P4HA1: variants seen among roughly 807,000 people sequenced by gnomAD.
P4HA1 encodes prolyl 4-hydroxylase subunit alpha 1.
In P4HA1, 24 loss-of-function variants were observed where a neutral mutation model predicts 72.8. The observed-to-expected ratio is 0.33, with a 90% CI of 0.24 to 0.46. P4HA1 has a LOEUF of 0.46. P4HA1 is among the 20% of genes least tolerant of loss of function. P4HA1 has a pLI of 1.00. For synonymous variants in P4HA1, 201 were observed against 218.8 expected, an observed-to-expected ratio of 0.92 and a Z score of 0.72; for missense variants, 446 against 640.6, an observed-to-expected ratio of 0.70 and a Z score of 3.28.
At chr10:73,083,698 G>A (rs75233197) in intron 1 of P4HA1, among the ~76,000 whole-genome samples, 7,751 of 152,192 alleles carry the variant, frequency 0.051, 611 homozygotes, top group African/African-American at 0.17. Context: ...ACAGCATGAT[G>A]CTTATCCCTA....
chr10:73,042,766 G>A (rs1044400341), intron 9 of P4HA1, among the ~76,000 whole-genome samples: 3 of 151,748 alleles, frequency 2.0e-5, no homozygotes, highest in African/African-American at 7.3e-5. Flanking sequence ...GGGGACATTT[G>A]ACAATGTCTG....
chr10:73,040,256 C>T (rs1370140887), intron 9 of P4HA1, among the ~76,000 whole-genome samples: 1 of 151,744 alleles, frequency 6.6e-6, no homozygotes, highest in Non-Finnish European at 1.5e-5. Context: ...AATAAAACTG[C>T]TTAAGAGCTA....
intron 10 of P4HA1, among the ~76,000 whole-genome samples, chr10:73,026,613 A>C (rs906324725): frequency 3.9e-5 from 6 of 152,236 alleles, no homozygotes; most frequent in South Asian, 2.1e-4. Flanking sequence ...AGTGGGATCT[A>C]ATTAAACTAA....
At chr10:73,012,145 A>G (rs991937858) in intron 12 of P4HA1, among the ~76,000 whole-genome samples, 1 of 152,214 alleles carries the variant, frequency 6.6e-6, no homozygotes, top group African/African-American at 2.4e-5. Context: ...GGAGAAACAG[A>G]TAGTGGGCCA....
chr10:73,089,709 C>CT (rs1841990361), intron 1 of P4HA1, among the ~76,000 whole-genome samples: 1 of 113,230 alleles, frequency 8.8e-6, no homozygotes, highest in Non-Finnish European at 1.7e-5. Flanking sequence ...ATTCCCCGTG[C>CT]TAAAAAAAAA....
intron 14 of P4HA1, among the ~76,000 whole-genome samples, chr10:73,008,878 G>A (rs956186894): frequency 1.3e-5 from 2 of 151,742 alleles, no homozygotes; most frequent in African/African-American, 2.4e-5. Context: ...TCTAAAGCAG[G>A]AACCTTAATT....
chr10:73,058,989 G>A (rs1464973688), intron 5 of P4HA1, among the ~76,000 whole-genome samples: 1 of 151,848 alleles, frequency 6.6e-6, no homozygotes, highest in East Asian at 1.9e-4. Context: ...TATTGGCCAG[G>A]CTGGTCTCAA....
At chr10:73,057,899 G>A (rs1414898188) in intron 5 of P4HA1, among the ~76,000 whole-genome samples, 2 of 151,966 alleles carry the variant, frequency 1.3e-5, no homozygotes, top group East Asian at 3.9e-4. Flanking sequence ...AGACCAGCCT[G>A]GGCAACATGG....
At chr10:73,023,048 A>G (rs1184299771) in intron 10 of P4HA1, among the ~76,000 whole-genome samples, 1 of 152,250 alleles carries the variant, frequency 6.6e-6, no homozygotes, top group African/African-American at 2.4e-5. Context: ...GACGGGGAGA[A>G]TGGAAACAGG....
chr10:73,020,400 C>T (rs1840107034), intron 10 of P4HA1, among the ~76,000 whole-genome samples: 1 of 151,774 alleles, frequency 6.6e-6, no homozygotes, highest in African/African-American at 2.4e-5. Flanking sequence ...AATTGAAATT[C>T]AATTTTAATT....
intron 9 of P4HA1, among the ~76,000 whole-genome samples, chr10:73,040,475 A>AAT (rs138367724): frequency 0.045 from 6,577 of 147,050 alleles, 479 homozygotes; most frequent in African/African-American, 0.15. Context: ...CGAATTCATG[A>AAT]ATTTTTTTTT....
intron 5 of P4HA1, among the ~76,000 whole-genome samples, chr10:73,061,431 G>C (rs1255647888): frequency 6.7e-6 from 1 of 148,950 alleles, no homozygotes; most frequent in Non-Finnish European, 1.5e-5. Context: ...TAAAGAGAAA[G>C]AAAAAAAAGG....
Position 73,056,917 on chromosome 10 carries a change from G to A in P4HA1, c.464-3327C>T, listed in dbSNP as rs371048917. Among the ~76,000 whole-genome samples the A allele has an allele frequency of 7.3e-5, 11 of 149,826 alleles. No homozygotes were observed. The South Asian group carries it at 1.3e-3, about 17-fold the overall frequency. On this transcript the variant is annotated intron_variant, in intron 5 of 14. Coordinates refer to ENST00000394890, the MANE Select transcript of P4HA1 (RefSeq NM_001017962.3). ...CTACTAAAAATACAAAAACTTCGCC[G>A]GGCGTGGTGGCGGATGCCTGTAGTC...
chr10:73,060,188 GAATAA>G (rs1219739666), intron 5 of P4HA1, among the ~76,000 whole-genome samples: 1 of 152,034 alleles, frequency 6.6e-6, no homozygotes, highest in Non-Finnish European at 1.5e-5. Context: ...TTAATAGTAT[GAATAA>G]AATAGTATGA....
intron 9 of P4HA1, among the ~76,000 whole-genome samples, chr10:73,044,196 T>C (rs1840802273): frequency 6.6e-6 from 1 of 152,196 alleles, no homozygotes. Context: ...TTTCACTTTT[T>C]TTAAACAAAA....
At position 73,058,935 on chromosome 10, in the gene P4HA1, G is replaced by A. The variant is rs113019358; in HGVS notation, c.464-5345C>T. ...TGGGATTACAGGTGCCCACCACCAC[G>A]CTCAGCTAATTTTTGTATTTTTAGT... On this transcript the variant is annotated intron_variant, in intron 5 of 14. Coordinates refer to ENST00000394890, the MANE Select transcript of P4HA1 (RefSeq NM_001017962.3). Among the ~76,000 whole-genome samples the A allele has an allele frequency of 1.8e-4, 27 of 151,934 alleles. No individual in the cohort carries two copies. The South Asian group carries it at 4.6e-3, about 26-fold the overall frequency.
chr10:73,008,372 A>ATT, intron 14 of P4HA1, 80 bp from the exon 15 acceptor site: 1 of 882,854 alleles, frequency 1.1e-6, no homozygotes, highest in Non-Finnish European at 1.8e-6. Flanking sequence ...TAGGTCTATA[A>ATT]CAAAGTTTCA....
At position 73,060,933 on chromosome 10, in the gene P4HA1, C is replaced by T. The variant is rs1011425557; in HGVS notation, c.464-7343G>A. 7.2e-4 allele frequency among the ~76,000 whole-genome samples: 110 copies of T among 152,144 alleles called. 1 individual carries two copies. Among genetic ancestry groups the T allele is most frequent in the Middle Eastern group, 3.4e-3 (1 of 294 alleles). On this transcript the variant is annotated intron_variant, in intron 5 of 14. Coordinates refer to ENST00000394890, the MANE Select transcript of P4HA1 (RefSeq NM_001017962.3). ...TAAAGAAGACTAATTATAGACTTAC[C>T]CTGCCTTTCCTATATATAGTTCAGG...
At chr10:73,081,062 G>T (rs1249497946) in intron 1 of P4HA1, among the ~76,000 whole-genome samples, 1 of 152,068 alleles carries the variant, frequency 6.6e-6, no homozygotes, top group Non-Finnish European at 1.5e-5. Flanking sequence ...AAGACATTAT[G>T]ACTTTATCAA....
Sources: allele counts gnomAD v4.1 joint callset (sites outside exome capture counted in the v4.1 genomes callset), GRCh38; gene constraint gnomAD v4.1.1; transcripts MANE v1.5; gene names NCBI Gene and HGNC (gene_info 2026-07-23, HGNC 2026-07-21).